GRM7: variants seen among roughly 807,000 people sequenced by gnomAD.
GRM7 encodes the protein glutamate metabotropic receptor 7.
GRM7 carries 35 observed loss-of-function variants against 84.5 expected under a neutral mutation model. That is an observed-to-expected ratio of 0.41 (90% CI 0.32 to 0.55). The LOEUF is 0.55. GRM7 is among the 20% of genes least tolerant of loss of function. GRM7 has a pLI of 0.19. For synonymous variants in GRM7, 487 were observed against 455.1 expected (o/e 1.07, Z -0.89); for missense variants, 1,003 against 1,194.6 (o/e 0.84, Z 2.36).
intron 2 of GRM7, among the ~76,000 whole-genome samples, chr3:7,207,109 A>C (rs1375142147): frequency 6.6e-6 from 1 of 152,346 alleles, no homozygotes; most frequent in East Asian, 1.9e-4. Flanking sequence ...GTTCGCTGGG[A>C]AGCATGCAAA....
chr3:7,076,964 A>T (rs1422078827), intron 1 of GRM7, among the ~76,000 whole-genome samples: 2 of 152,188 alleles, frequency 1.3e-5, no homozygotes, highest in Non-Finnish European at 2.9e-5. Context: ...CAACAAACAT[A>T]TGAAAAAATG....
At chr3:7,678,873 G>A (rs1424502144) in intron 8 of GRM7, among the ~76,000 whole-genome samples, 6 of 152,314 alleles carry the variant, frequency 3.9e-5, no homozygotes, top group Non-Finnish European at 8.8e-5. Context: ...TAACCAGTGA[G>A]TTATAGGTAG....
chr3:6,898,246 T>C (rs1696258849), intron 1 of GRM7, among the ~76,000 whole-genome samples: 1 of 152,138 alleles, frequency 6.6e-6, no homozygotes. Context: ...TTAGTGCTTA[T>C]TTGGCAGACC....
At chr3:7,513,648 A>T (rs1454003292) in intron 7 of GRM7, among the ~76,000 whole-genome samples, 1 of 152,220 alleles carries the variant, frequency 6.6e-6, no homozygotes, top group East Asian at 1.9e-4. Context: ...GCTTGAGGTG[A>T]TGGGTATTCT....
intron 8 of GRM7, among the ~76,000 whole-genome samples, chr3:7,587,768 TA>T (rs1414060194): frequency 1.3e-5 from 2 of 152,304 alleles, no homozygotes; most frequent in African/African-American, 4.8e-5. Flanking sequence ...TGGACTTTCC[TA>T]ATGCTCATAT....
intron 1 of GRM7, among the ~76,000 whole-genome samples, chr3:6,980,145 TTCTTTCAC>T (rs1177978998): frequency 6.6e-6 from 1 of 152,162 alleles, no homozygotes; most frequent in Non-Finnish European, 1.5e-5. Context: ...CATTCTTTCA[TTCTTTCAC>T]TCTTTCTTTC....
At chr3:7,263,731 C>T (rs73809045) in intron 2 of GRM7, among the ~76,000 whole-genome samples, 4,778 of 152,120 alleles carry the variant, frequency 0.031, 245 homozygotes, top group African/African-American at 0.11. Flanking sequence ...AGCAGTGTGA[C>T]GGCAGGGGTG....
chr3:7,189,180 A>T (rs904436524), intron 2 of GRM7, among the ~76,000 whole-genome samples: 4 of 152,166 alleles, frequency 2.6e-5, no homozygotes, highest in African/African-American at 9.7e-5. Flanking sequence ...GTGGACATGT[A>T]TGCATGTATC....
At chr3:7,342,366 G>A (rs1692681405) in intron 4 of GRM7, among the ~76,000 whole-genome samples, 1 of 152,086 alleles carries the variant, frequency 6.6e-6, no homozygotes, top group African/African-American at 2.4e-5. Flanking sequence ...CAGGGTGGAA[G>A]GCATGCAGTC....
chr3:7,278,578 T>G (rs1699152486), intron 2 of GRM7, among the ~76,000 whole-genome samples: 1 of 152,194 alleles, frequency 6.6e-6, no homozygotes, highest in Non-Finnish European at 1.5e-5. Context: ...ATTCATATAT[T>G]CATTGATCTA....
At chr3:7,697,456 C>T (rs1209701272) in intron 9 of GRM7, among the ~76,000 whole-genome samples, 1 of 152,082 alleles carries the variant, frequency 6.6e-6, no homozygotes, top group African/African-American at 2.4e-5. Flanking sequence ...CCGTTCTGAT[C>T]CCTTTATACC....
intron 1 of GRM7, among the ~76,000 whole-genome samples, chr3:6,964,384 C>G (rs1324815115): frequency 1.3e-5 from 2 of 152,056 alleles, no homozygotes; most frequent in Admixed American, 6.5e-5. Flanking sequence ...TCTGGGGTCC[C>G]TTTTATGAGG....
At position 7,099,921 on chromosome 3, in the gene GRM7, ATAT is replaced by A. The variant is rs200701354; in HGVS notation, c.520-46527_520-46525del. Among the ~76,000 whole-genome samples the A allele has an allele frequency of 2.5e-3, 233 of 95,058 alleles. 24 individuals carry two copies. Among genetic ancestry groups the A allele is most frequent in the African/African-American group, 0.018 (228 of 12,652 alleles). The allele number at this position is 95,058 out of a possible 152,430, so 62.4% of individuals were successfully genotyped here. The stretch of plus-strand genomic sequence containing the variant: ...TAGATTATACATATATAATATTAAT[ATAT>A]TATATATATTATGATATACATTATG... On this transcript the variant is annotated intron_variant, in intron 1 of 9. Coordinates refer to ENST00000357716, the MANE Select transcript of GRM7 (RefSeq NM_000844.4).
intron 7 of GRM7, among the ~76,000 whole-genome samples, chr3:7,520,784 C>T (rs980433839): frequency 6.6e-6 from 1 of 152,166 alleles, no homozygotes; most frequent in African/African-American, 2.4e-5. Context: ...TGAGGGAGAT[C>T]ATCCAACTTG....
At chr3:6,905,438 C>T (rs1157842011) in intron 1 of GRM7, among the ~76,000 whole-genome samples, 1 of 152,086 alleles carries the variant, frequency 6.6e-6, no homozygotes, top group Non-Finnish European at 1.5e-5. Context: ...GATCTTTTGT[C>T]TAGCCACCAT....
chr3:7,374,393 G>T (rs1694259685), intron 4 of GRM7, among the ~76,000 whole-genome samples: 2 of 152,058 alleles, frequency 1.3e-5, no homozygotes, highest in Middle Eastern at 3.4e-3. Context: ...TGCCCAGGCT[G>T]GTCTAGAACT....
At chr3:7,568,295 A>G (rs1204197248) in intron 7 of GRM7, among the ~76,000 whole-genome samples, 1 of 152,050 alleles carries the variant, frequency 6.6e-6, no homozygotes, top group African/African-American at 2.4e-5. Context: ...TGATAAAGAC[A>G]TACCTGCACT....
chr3:7,191,614 C>T (rs1047920376), intron 2 of GRM7, among the ~76,000 whole-genome samples: 2 of 150,734 alleles, frequency 1.3e-5, no homozygotes, highest in African/African-American at 2.4e-5. Context: ...ATCACAAATG[C>T]GTTATGCTAA....
At chr3:7,193,858 C>G (rs540068603) in intron 2 of GRM7, among the ~76,000 whole-genome samples, 10 of 152,138 alleles carry the variant, frequency 6.6e-5, no homozygotes, top group African/African-American at 1.9e-4. Flanking sequence ...CTGGAAGAAA[C>G]CTTGTAGCAC....
Sources: gnomAD v4.1 joint callset for allele counts (sites outside exome capture counted in the v4.1 genomes callset) on GRCh38, gnomAD v4.1.1 for gene constraint, MANE v1.5 for transcripts, NCBI Gene and HGNC (gene_info 2026-07-23, HGNC 2026-07-21) for gene names.